The following FGF14 variants were observed in gnomAD, a reference collection of about 807,000 sequenced individuals.
FGF14 encodes fibroblast growth factor 14.
FGF14 carries 5 observed loss-of-function variants against 25.5 expected under a neutral mutation model. The observed-to-expected ratio is 0.20, with a 90% CI of 0.10 to 0.41. The LOEUF (loss-of-function observed/expected upper bound fraction) is 0.41, where lower values mean the gene tolerates loss of function less well. Among genes scored for constraint, FGF14 ranks in the 10% least tolerant of loss-of-function variants. The probability of loss-of-function intolerance (pLI) is 1.00; values close to 1 mark genes in which losing one functional copy is unlikely to be tolerated. For synonymous variants in FGF14, 138 were observed against 118.3 expected (o/e 1.17, Z -1.08); for missense variants, 222 against 320.1 (o/e 0.69, Z 2.34).
intron 1 of FGF14, among the ~76,000 whole-genome samples, chr13:102,345,903 A>C (rs193190215): frequency 1.6e-4 from 24 of 152,342 alleles, no homozygotes; most frequent in African/African-American, 5.3e-4. Context: ...CCAATTAATA[A>C]CATTAATCAA....
chr13:102,308,895 G>C (rs1305528522), intron 1 of FGF14, among the ~76,000 whole-genome samples: 3 of 110,242 alleles, frequency 2.7e-5, no homozygotes, highest in African/African-American at 1.1e-4. Flanking sequence ...CTTTGTATAT[G>C]AACTAGGAGG....
chr13:102,168,287 A>G (rs543008479), intron 1 of FGF14, among the ~76,000 whole-genome samples: 1 of 152,216 alleles, frequency 6.6e-6, no homozygotes, highest in Admixed American at 6.5e-5. Flanking sequence ...TCAGCGCCTA[A>G]TCAAATTGCA....
At chr13:102,300,920 G>GAC (rs565433977) in intron 1 of FGF14, among the ~76,000 whole-genome samples, 2,181 of 85,940 alleles carry the variant, frequency 0.025, 51 homozygotes, top group African/African-American at 0.09. Flanking sequence ...TATGCACACA[G>GAC]ACACACACAC....
At chr13:101,850,303 A>T (rs2043695962) in intron 3 of FGF14, among the ~76,000 whole-genome samples, 1 of 136,800 alleles carries the variant, frequency 7.3e-6, no homozygotes, top group Non-Finnish European at 1.6e-5. Flanking sequence ...AAAAAAAAAA[A>T]AATAGCCGGG....
intron 1 of FGF14, among the ~76,000 whole-genome samples, chr13:102,034,943 T>A (rs79286641): frequency 6.6e-6 from 1 of 152,088 alleles, no homozygotes; most frequent in African/African-American, 2.4e-5. Context: ...TTCTTAAAAG[T>A]CAAGCATCTG....
chr13:102,376,037 C>A (rs1015407656), intron 1 of FGF14, among the ~76,000 whole-genome samples: 1 of 152,070 alleles, frequency 6.6e-6, no homozygotes, highest in Non-Finnish European at 1.5e-5. Flanking sequence ...AAATGCGTGG[C>A]TGGGCCTATT....
chr13:102,010,739 C>G (rs2040035057), intron 1 of FGF14, among the ~76,000 whole-genome samples: 1 of 152,136 alleles, frequency 6.6e-6, no homozygotes, highest in African/African-American at 2.4e-5. Context: ...GATAATAATG[C>G]TTTCCTGCCC....
At chr13:101,762,839 A>G (rs2038117014) in intron 3 of FGF14, among the ~76,000 whole-genome samples, 1 of 151,904 alleles carries the variant, frequency 6.6e-6, no homozygotes, top group Admixed American at 6.6e-5. Context: ...GTCAAATCCT[A>G]CCTCCCATGG....
At chr13:102,202,449 A>T (rs536340890) in intron 1 of FGF14, among the ~76,000 whole-genome samples, 2 of 152,194 alleles carry the variant, frequency 1.3e-5, no homozygotes, top group Non-Finnish European at 2.9e-5. Flanking sequence ...AGAGAAGGTG[A>T]TAAGTGAGGG....
chr13:102,082,798 C>CA (rs11350767), intron 1 of FGF14, among the ~76,000 whole-genome samples: 31 of 146,588 alleles, frequency 2.1e-4, no homozygotes, highest in South Asian at 1.3e-3. Context: ...ACTAAAAATA[C>CA]AAAAAAAAAA....
intron 1 of FGF14, among the ~76,000 whole-genome samples, chr13:102,217,004 C>T (rs1006080473): frequency 6.6e-6 from 1 of 152,162 alleles, no homozygotes; most frequent in Non-Finnish European, 1.5e-5. Flanking sequence ...TTTCTTATGA[C>T]TGAAAAATAC....
chr13:101,765,917 C>T (rs575131882), intron 3 of FGF14, among the ~76,000 whole-genome samples: 19 of 152,014 alleles, frequency 1.2e-4, no homozygotes, highest in South Asian at 2.1e-4. Context: ...TTAGTAGAGA[C>T]GGGGTTTTGC....
chr13:102,098,646 T>C (rs2044517636), intron 1 of FGF14, among the ~76,000 whole-genome samples: 1 of 152,194 alleles, frequency 6.6e-6, no homozygotes, highest in South Asian at 2.1e-4. Flanking sequence ...TTATTAGAAA[T>C]GGCTGAGACT....
chr13:102,149,323 TAAAAA>T (rs34678261), intron 1 of FGF14, among the ~76,000 whole-genome samples: 1 of 152,074 alleles, frequency 6.6e-6, no homozygotes, highest in Non-Finnish European at 1.5e-5. Context: ...AGGTGTTACT[TAAAAA>T]AAGAAAGGTT....
intron 1 of FGF14, 28 bp downstream of exon 1, chr13:101,916,425 G>A (rs1312075275): frequency 6.2e-6 from 10 of 1,612,244 alleles, no homozygotes; most frequent in African/African-American, 2.7e-5. Context: ...GACCCGGGGC[G>A]CATCTCCCGA....
chr13:102,360,609 A>G (rs2057537764), intron 1 of FGF14, among the ~76,000 whole-genome samples: 1 of 152,222 alleles, frequency 6.6e-6, no homozygotes, highest in South Asian at 2.1e-4. Context: ...ACTCTCAATT[A>G]GAGTTTACAT....
intron 1 of FGF14, among the ~76,000 whole-genome samples, chr13:102,039,357 G>A (rs1595077243): frequency 2.0e-5 from 3 of 152,048 alleles, no homozygotes; most frequent in South Asian, 4.1e-4. Flanking sequence ...GGGTCTCCTG[G>A]GGCTCCTGTA....
intron 1 of FGF14, among the ~76,000 whole-genome samples, chr13:101,974,052 A>C (rs2037776911): frequency 6.6e-6 from 1 of 152,214 alleles, no homozygotes; most frequent in Admixed American, 6.5e-5. Context: ...ACAACCCTAA[A>C]ATCTGGTTAA....
chr13:101,983,801 G>C (rs2038405432), intron 1 of FGF14, among the ~76,000 whole-genome samples: 1 of 152,148 alleles, frequency 6.6e-6, no homozygotes, highest in Non-Finnish European at 1.5e-5. Context: ...ATAAGATAAG[G>C]CCTTGGGTCT....
Sources: gnomAD v4.1 joint callset for allele counts (sites outside exome capture counted in the v4.1 genomes callset) on GRCh38, gnomAD v4.1.1 for gene constraint, MANE v1.5 for transcripts, NCBI Gene and HGNC (gene_info 2026-07-23, HGNC 2026-07-21) for gene names.